HS3ST4: variants seen among roughly 807,000 people sequenced by gnomAD.
HS3ST4 encodes the protein heparan sulfate glucosamine 3-O-sulfotransferase 4.
In HS3ST4, 17 loss-of-function variants were observed where a neutral mutation model predicts 29.2. The ratio of observed to expected loss-of-function variants is 0.58; its 90% CI spans 0.40 to 0.87. HS3ST4 has a LOEUF of 0.87. HS3ST4 is among the 40% of genes least tolerant of loss of function. HS3ST4 has a pLI of 0.00. For missense variants in HS3ST4, 627 were observed against 634.5 expected (o/e 0.99, Z 0.13); for synonymous variants, 314 against 285.7 (o/e 1.10, Z -1.00).
intron 1 of HS3ST4, among the ~76,000 whole-genome samples, chr16:26,090,829 C>T (rs1156682460): frequency 6.6e-6 from 1 of 152,160 alleles, no homozygotes; most frequent in African/African-American, 2.4e-5. Flanking sequence ...TGGCCCCACC[C>T]CTCACCAGGC....
At chr16:25,928,113 T>G (rs1968426349) in intron 1 of HS3ST4, among the ~76,000 whole-genome samples, 1 of 150,880 alleles carries the variant, frequency 6.6e-6, no homozygotes, top group Admixed American at 6.6e-5. Context: ...GGAGGATTGC[T>G]TGCACCTGGA....
intron 1 of HS3ST4, among the ~76,000 whole-genome samples, chr16:25,895,450 G>A (rs373859194): frequency 6.6e-6 from 1 of 152,004 alleles, no homozygotes; most frequent in African/African-American, 2.4e-5. Context: ...GAGGGTGAAT[G>A]GATGCTGGGC....
At chr16:26,003,734 G>C (rs970775841) in intron 1 of HS3ST4, among the ~76,000 whole-genome samples, 1 of 152,266 alleles carries the variant, frequency 6.6e-6, no homozygotes, top group South Asian at 2.1e-4. Context: ...AGTTGTGTTT[G>C]TTTCCATCTC....
chr16:25,869,249 C>T (rs999860070), intron 1 of HS3ST4, among the ~76,000 whole-genome samples: 11 of 151,982 alleles, frequency 7.2e-5, no homozygotes, highest in African/African-American at 2.7e-4. Flanking sequence ...GGGTTCACAG[C>T]TTCCCCTAGA....
At position 25,713,318 on chromosome 16, in the gene HS3ST4, A is replaced by C. The variant is rs1966429881; in HGVS notation, c.734+20167A>C. 3.3e-5 allele frequency among the ~76,000 whole-genome samples: 5 copies of C among 152,038 alleles called. No homozygotes were observed. In the South Asian group the frequency reaches 1.0e-3, roughly 32 times the overall value. ...TGAGGTGGGAGGATCACTTGAGCCC[A>C]GGAGTTTGAGACCAGCCTGGGCAAC... On this transcript the variant is annotated intron_variant, in intron 1 of 1. Coordinates refer to ENST00000331351, the MANE Select transcript of HS3ST4 (RefSeq NM_006040.3).
At position 26,078,474 on chromosome 16, in the gene HS3ST4, A is replaced by G. The variant is rs141338352; in HGVS notation, c.735-57138A>G. The stretch of plus-strand genomic sequence containing the variant: ...GTTTGTGCTTTATTTTTTTAAAGAA[A>G]TAGACCCATGCACATGGCCCAAATC... On this transcript the variant is annotated intron_variant, in intron 1 of 1. Coordinates refer to ENST00000331351, the MANE Select transcript of HS3ST4 (RefSeq NM_006040.3). 3.9e-3 allele frequency among the ~76,000 whole-genome samples: 596 copies of G among 152,280 alleles called. 7 individuals are homozygous for G. The highest frequency in any genetic ancestry group is 0.014 in the African/African-American group (573 of 41,552).
intron 1 of HS3ST4, among the ~76,000 whole-genome samples, chr16:25,741,859 A>G (rs1196978430): frequency 6.6e-6 from 1 of 152,214 alleles, no homozygotes; most frequent in Non-Finnish European, 1.5e-5. Flanking sequence ...TGCCAGAACC[A>G]GGGACTCACA....
At chr16:26,002,588 C>T (rs547236724) in intron 1 of HS3ST4, among the ~76,000 whole-genome samples, 5 of 149,712 alleles carry the variant, frequency 3.3e-5, no homozygotes, top group South Asian at 2.1e-4. Flanking sequence ...GCCTGGGTGG[C>T]GGAGCGAGAC....
chr16:25,992,170 C>A (rs1223112350), intron 1 of HS3ST4, among the ~76,000 whole-genome samples: 2 of 152,142 alleles, frequency 1.3e-5, no homozygotes, highest in African/African-American at 4.8e-5. Context: ...TTCTGGTGGA[C>A]AAACGAGATA....
chr16:25,768,105 C>T (rs913913382), intron 1 of HS3ST4, among the ~76,000 whole-genome samples: 1 of 152,082 alleles, frequency 6.6e-6, no homozygotes, highest in Non-Finnish European at 1.5e-5. Flanking sequence ...GTCCTGTGAA[C>T]ATCACATGTC....
intron 1 of HS3ST4, among the ~76,000 whole-genome samples, chr16:26,028,474 C>G (rs1304060031): frequency 2.0e-5 from 3 of 152,102 alleles, no homozygotes. Flanking sequence ...GATGGTTTAT[C>G]ACTGTGTTGC....
intron 1 of HS3ST4, among the ~76,000 whole-genome samples, chr16:25,701,271 T>C (rs887152413): frequency 6.6e-6 from 1 of 152,224 alleles, no homozygotes. Context: ...TAGAGATGCC[T>C]TGGGCCCAGG....
chr16:26,091,518 G>T (rs1490158903), intron 1 of HS3ST4, among the ~76,000 whole-genome samples: 1 of 152,064 alleles, frequency 6.6e-6, no homozygotes, highest in East Asian at 1.9e-4. Context: ...ACGTCCTTGG[G>T]CATTGATTTC....
intron 1 of HS3ST4, among the ~76,000 whole-genome samples, chr16:25,731,682 G>C (rs191042405): frequency 7.2e-5 from 11 of 152,266 alleles, no homozygotes; most frequent in African/African-American, 2.6e-4. Flanking sequence ...CAAGGGTTCA[G>C]AGATTATCTC....
chr16:26,080,032 A>G (rs1898707077), intron 1 of HS3ST4, among the ~76,000 whole-genome samples: 1 of 152,204 alleles, frequency 6.6e-6, no homozygotes, highest in Admixed American at 6.5e-5. Context: ...AGATAATTCA[A>G]GTATCCTGGG....
chr16:26,118,386 C>G lies in HS3ST4; in HGVS notation c.735-17226C>G, dbSNP rs147122638. On this transcript the variant is annotated intron_variant, in intron 1 of 1. Transcript: ENST00000331351. Reference sequence around the variant, plus strand: ...ACAGGGTTTGAGCCACCACACCTGGCCTAGAGATGACTTTTAAGTTGCATG... The same window carrying G: ...ACAGGGTTTGAGCCACCACACCTGGGCTAGAGATGACTTTTAAGTTGCATG... Among the ~76,000 whole-genome samples the G allele has an allele frequency of 2.5e-3, 381 of 152,224 alleles. 2 individuals are homozygous for G. The highest frequency in any genetic ancestry group is 8.4e-3 in the African/African-American group (349 of 41,552).
intron 1 of HS3ST4, among the ~76,000 whole-genome samples, chr16:25,941,748 T>C (rs1347925965): frequency 6.6e-6 from 1 of 152,066 alleles, no homozygotes; most frequent in Non-Finnish European, 1.5e-5. Flanking sequence ...AGCTAATTTT[T>C]TGTATTTTTA....
chr16:25,780,133 G>A (rs1470512537), intron 1 of HS3ST4, among the ~76,000 whole-genome samples: 2 of 152,192 alleles, frequency 1.3e-5, no homozygotes, highest in Non-Finnish European at 2.9e-5. Flanking sequence ...CTCAGTGAGA[G>A]CAATTCCTGG....
chr16:25,804,874 T>C (rs540023107), intron 1 of HS3ST4, among the ~76,000 whole-genome samples: 5 of 152,250 alleles, frequency 3.3e-5, no homozygotes, highest in African/African-American at 1.2e-4. Context: ...TAACACTTAA[T>C]ATTAACACTT....
Sources: gnomAD v4.1 joint callset for allele counts (sites outside exome capture counted in the v4.1 genomes callset) on GRCh38, gnomAD v4.1.1 for gene constraint, MANE v1.5 for transcripts, NCBI Gene and HGNC (gene_info 2026-07-23, HGNC 2026-07-21) for gene names.